Variants in SDK1 observed in about 807,000 individuals in gnomAD.
SDK1 encodes protein sidekick-1.
A neutral mutation model predicts 245.5 loss-of-function variants in SDK1; 157 were observed. The observed-to-expected ratio is 0.64, with a 90% CI of 0.56 to 0.73. SDK1 has a LOEUF of 0.73. Among genes scored for constraint, SDK1 ranks in the 30% least tolerant of loss-of-function variants. The pLI is 0.00. For missense variants in SDK1, 3,583 were observed against 3,002.3 expected, an observed-to-expected ratio of 1.19 and a Z score of -4.52; for synonymous variants, 1,647 against 1,278.5, an observed-to-expected ratio of 1.29 and a Z score of -6.15.
chr7:4,246,498 G>C (rs149853248), intron 44 of SDK1, among the ~76,000 whole-genome samples: 3 of 152,294 alleles, frequency 2.0e-5, no homozygotes, highest in East Asian at 3.9e-4. Context: ...CAGCGGGTCT[G>C]ATCCTGCAGG....
At chr7:4,046,873 G>A (rs1047445866) in intron 17 of SDK1, among the ~76,000 whole-genome samples, 2 of 151,790 alleles carry the variant, frequency 1.3e-5, no homozygotes, top group Admixed American at 6.6e-5. Context: ...CCAGGCTGGA[G>A]TGCAGTGTAG....
chr7:3,618,804 C>T (rs187050292), intron 1 of SDK1, among the ~76,000 whole-genome samples: 2 of 152,286 alleles, frequency 1.3e-5, no homozygotes, highest in Admixed American at 1.3e-4. Context: ...TATGTCCCTT[C>T]AATAAGCTAT....
chr7:3,628,883 C>T (rs1403705376), intron 2 of SDK1, among the ~76,000 whole-genome samples: 1 of 152,136 alleles, frequency 6.6e-6, no homozygotes, highest in Non-Finnish European at 1.5e-5. Flanking sequence ...GATTTCTAGG[C>T]TGTGGCACAG....
At chr7:4,161,712 G>T (rs929407971) in intron 31 of SDK1, 74 bp from the exon 32 acceptor site, 2 of 1,239,798 alleles carry the variant, frequency 1.6e-6, no homozygotes, top group African/African-American at 3.0e-5. Flanking sequence ...CATACTCACT[G>T]AGGGTGGCCC....
At chr7:3,895,323 T>G (rs888741701) in intron 5 of SDK1, among the ~76,000 whole-genome samples, 10 of 152,214 alleles carry the variant, frequency 6.6e-5, no homozygotes, top group Non-Finnish European at 1.2e-4. Flanking sequence ...AGAAACACAT[T>G]AGAGTCTGGC....
At chr7:3,605,129 G>GAAA (rs566038077) in intron 1 of SDK1, among the ~76,000 whole-genome samples, 1 of 106,594 alleles carries the variant, frequency 9.4e-6, no homozygotes, top group Non-Finnish European at 1.8e-5. Context: ...AGCACTTGAG[G>GAAA]AAAAAAAAAA....
chr7:3,512,279 T>C (rs746045347), intron 1 of SDK1, among the ~76,000 whole-genome samples: 1 of 152,220 alleles, frequency 6.6e-6, no homozygotes, highest in Non-Finnish European at 1.5e-5. Context: ...TGTGTTTTCA[T>C]AGCTCATTTG....
At chr7:4,033,301 G>A (rs1306900501) in intron 17 of SDK1, among the ~76,000 whole-genome samples, 1 of 152,094 alleles carries the variant, frequency 6.6e-6, no homozygotes, top group Non-Finnish European at 1.5e-5. Context: ...CCATATACAA[G>A]GATACATTCC....
At chr7:3,867,261 G>C (rs773881939) in intron 5 of SDK1, among the ~76,000 whole-genome samples, 4 of 152,200 alleles carry the variant, frequency 2.6e-5, no homozygotes, top group Non-Finnish European at 4.4e-5. Context: ...TAACACAGGA[G>C]AGAGAAAGAG....
intron 44 of SDK1, among the ~76,000 whole-genome samples, chr7:4,247,117 C>A (rs536303011): frequency 6.6e-6 from 1 of 152,312 alleles, no homozygotes; most frequent in South Asian, 2.1e-4. Flanking sequence ...TAGGCCTGCC[C>A]CGCCTCCTGG....
chr7:3,968,183 T>C (rs1374182551), intron 10 of SDK1, among the ~76,000 whole-genome samples: 1 of 152,170 alleles, frequency 6.6e-6, no homozygotes, highest in Non-Finnish European at 1.5e-5. Context: ...GAAAGATGCT[T>C]CCAGGGCCAC....
In SDK1 at chr7:4,176,407, G is replaced by A. The variant is rs566158076; in HGVS notation, c.4996+573G>A. On this transcript the variant is annotated intron_variant, in intron 34 of 44. Transcript: ENST00000404826. Reference sequence around the variant, plus strand: ...CGGTCTTGAATGCCTGGACTCAAACGATCCTCTTGTCTCAGCCTCCCAAGA... The same window carrying A: ...CGGTCTTGAATGCCTGGACTCAAACAATCCTCTTGTCTCAGCCTCCCAAGA... 2.6e-5 allele frequency among the ~76,000 whole-genome samples: 4 copies of A among 152,288 alleles called. No homozygotes were observed. The South Asian group carries it at 6.2e-4, about 24-fold the overall frequency.
intron 13 of SDK1, among the ~76,000 whole-genome samples, chr7:3,977,859 C>T (rs1432895842): frequency 1.3e-5 from 2 of 152,204 alleles, no homozygotes; most frequent in Non-Finnish European, 2.9e-5. Flanking sequence ...TTGCTGCCTG[C>T]GTGCATGCAT....
At chr7:4,122,135 C>T (rs893046638) in intron 25 of SDK1, among the ~76,000 whole-genome samples, 3 of 152,116 alleles carry the variant, frequency 2.0e-5, no homozygotes, top group Non-Finnish European at 4.4e-5. Flanking sequence ...CTTCCGCTCC[C>T]CCTCCTTGTG....
In SDK1 at chr7:3,374,327, G is replaced by A. The variant is rs117004365; in HGVS notation, c.298+72443G>A. On this transcript the variant is annotated intron_variant, in intron 1 of 44. Transcript: ENST00000404826. ...CTTGTGACTTCTGCCCCCAAGCTGTGCACAGGAGGACTCACTGTCATCAGA... is the reference window on the plus strand; with the variant it reads ...CTTGTGACTTCTGCCCCCAAGCTGTACACAGGAGGACTCACTGTCATCAGA... Among the ~76,000 whole-genome samples, 741 of 152,256 alleles carry A rather than the reference G, an allele frequency of 4.9e-3. 2 individuals are homozygous for A. Among genetic ancestry groups the A allele is most frequent in the Non-Finnish European group, 8.1e-3 (554 of 68,022 alleles).
intron 5 of SDK1, among the ~76,000 whole-genome samples, chr7:3,839,047 G>T (rs1780093903): frequency 6.6e-6 from 1 of 152,062 alleles, no homozygotes; most frequent in South Asian, 2.1e-4. Flanking sequence ...GTGACTCCAG[G>T]GGATATTCAG....
intron 4 of SDK1, among the ~76,000 whole-genome samples, chr7:3,758,912 C>G (rs1016345221): frequency 1.2e-4 from 18 of 152,240 alleles, no homozygotes; most frequent in African/African-American, 4.1e-4. Context: ...TAAAAATAAC[C>G]GTGAGTTTCT....
intron 1 of SDK1, among the ~76,000 whole-genome samples, chr7:3,544,287 C>G (rs1315947068): frequency 6.6e-6 from 1 of 152,234 alleles, no homozygotes; most frequent in Non-Finnish European, 1.5e-5. Context: ...GACATTTTCC[C>G]TTTGCAAGTT....
intron 18 of SDK1, among the ~76,000 whole-genome samples, chr7:4,051,150 ATATACATATAG>A (rs1488356776): frequency 7.1e-6 from 1 of 139,908 alleles, no homozygotes; most frequent in African/African-American, 2.6e-5. Context: ...TATGTATAAT[ATATACATATAG>A]TATATATGTA....
Sources: allele counts gnomAD v4.1 joint callset (sites outside exome capture counted in the v4.1 genomes callset), GRCh38; gene constraint gnomAD v4.1.1; transcripts MANE v1.5; gene names NCBI Gene and HGNC (gene_info 2026-07-23, HGNC 2026-07-21).